Variants in SWT1 observed in about 807,000 individuals in gnomAD.
SWT1 encodes the protein transcriptional protein SWT1.
SWT1 carries 33 observed loss-of-function variants against 107.3 expected under a neutral mutation model. The ratio of observed to expected loss-of-function variants is 0.31; its 90% CI spans 0.23 to 0.41. SWT1 has a LOEUF of 0.41. Ranked by LOEUF, SWT1 falls within the 10% of genes least tolerant of loss-of-function variation. SWT1 has a pLI of 1.00. For synonymous variants in SWT1, 345 were observed against 348.3 expected, an observed-to-expected ratio of 0.99 and a Z score of 0.11; for missense variants, 898 against 1,028.9, an observed-to-expected ratio of 0.87 and a Z score of 1.74.
intron 14 of SWT1, among the ~76,000 whole-genome samples, chr1:185,220,000 C>T (rs1166388026): frequency 1.3e-5 from 2 of 151,870 alleles, no homozygotes; most frequent in African/African-American, 4.8e-5. Context: ...AAAAAATTAG[C>T]TGGGCCTGAT....
intron 9 of SWT1, among the ~76,000 whole-genome samples, chr1:185,188,568 T>C (rs7512290): frequency 0.44 from 67,012 of 152,004 alleles, 16,160 homozygotes; most frequent in African/African-American, 0.65. Flanking sequence ...TAGATTTCAC[T>C]AATATGAACT....
At chr1:185,215,486 T>C (rs1188335385) in intron 14 of SWT1, among the ~76,000 whole-genome samples, 2 of 152,226 alleles carry the variant, frequency 1.3e-5, no homozygotes, top group African/African-American at 4.8e-5. Context: ...GTGATTCTTA[T>C]GCAGCCATCT....
At chr1:185,191,905 C>A (rs558049263) in intron 10 of SWT1, among the ~76,000 whole-genome samples, 2 of 152,220 alleles carry the variant, frequency 1.3e-5, no homozygotes, top group African/African-American at 4.8e-5. Flanking sequence ...CCAAACCTTA[C>A]TTTTAATTCT....
At position 185,165,615 on chromosome 1, in the gene SWT1, A is replaced by G. The variant is rs541573601; in HGVS notation, c.85-957A>G. Among the ~76,000 whole-genome samples the G allele has an allele frequency of 2.0e-5, 3 of 152,276 alleles. No individual in the cohort carries two copies. The East Asian group carries it at 5.8e-4, about 29-fold the overall frequency. ...GTGGTCCTATTAAAATATAAGTACA[A>G]TCATGTTACTCCTCTGCTAAATACT... On this transcript the variant is annotated intron_variant, in intron 2 of 18. Transcript: ENST00000367500.
At chr1:185,290,563 A>T in intron 18 of SWT1, 111 bp from the exon 19 acceptor site, 1 of 675,942 alleles carries the variant, frequency 1.5e-6, no homozygotes, top group Non-Finnish European at 2.1e-6. Context: ...TGTTATACAT[A>T]ATATATATAT....
intron 13 of SWT1, among the ~76,000 whole-genome samples, chr1:185,207,115 CTT>C (rs1658396188): frequency 6.6e-6 from 1 of 152,164 alleles, no homozygotes; most frequent in South Asian, 2.1e-4. Context: ...ATTAATTAGA[CTT>C]TTTTCGTTTC....
rs575837829 is a variant in SWT1 at position 185,281,077 on chromosome 1, T to C, written c.2573+4409T>C. 56 of 266,102 alleles carry C rather than the reference T, an allele frequency of 2.1e-4. No individual in the cohort carries two copies. The Middle Eastern group carries it at 5.5e-3, about 26-fold the overall frequency. The allele number at this position is 266,102 out of a possible 1,614,324, so 16.5% of individuals were successfully genotyped here. ...AGATGATCTGATTTTTAGACCAAGA[T>C]TATTTGGAAAACATTTATGGATTGT... On this transcript the variant is annotated intron_variant, in intron 18 of 18. Coordinates refer to ENST00000367500, the MANE Select transcript of SWT1 (RefSeq NM_017673.7).
At chr1:185,283,509 A>G (rs1338410134) in intron 18 of SWT1, among the ~76,000 whole-genome samples, 4 of 152,206 alleles carry the variant, frequency 2.6e-5, no homozygotes, top group African/African-American at 9.6e-5. Context: ...TAAGTTCTTG[A>G]TAAAGTGTTT....
chr1:185,272,472 T>C (rs1457868368), intron 17 of SWT1, among the ~76,000 whole-genome samples: 1 of 152,230 alleles, frequency 6.6e-6, no homozygotes, highest in Non-Finnish European at 1.5e-5. Context: ...CTTTTATTCC[T>C]GGTTAGCTCT....
chr1:185,276,734 G>T, intron 18 of SWT1, 66 bp downstream of exon 18: 1 of 657,702 alleles, frequency 1.5e-6, no homozygotes, highest in African/African-American at 1.9e-5. Flanking sequence ...GCAGCACTTG[G>T]TGGTGGTGGT....
At chr1:185,217,824 GC>G (rs1659337872) in intron 14 of SWT1, among the ~76,000 whole-genome samples, 1 of 152,156 alleles carries the variant, frequency 6.6e-6, no homozygotes, top group African/African-American at 2.4e-5. Context: ...TGGAACTCCT[GC>G]CCTCAGGTGA....
chr1:185,172,975 C>T (rs1047837781), intron 4 of SWT1, among the ~76,000 whole-genome samples: 13 of 137,164 alleles, frequency 9.5e-5, no homozygotes, highest in East Asian at 2.2e-4. Context: ...ACCTGGGAGG[C>T]GGAGGTTGTG....
intron 16 of SWT1, among the ~76,000 whole-genome samples, chr1:185,251,115 G>T (rs938877690): frequency 6.6e-6 from 1 of 152,138 alleles, no homozygotes; most frequent in Non-Finnish European, 1.5e-5. Flanking sequence ...GCATGGAAAA[G>T]TTTTTATTAA....
chr1:185,278,863 T>A (rs1253728006), intron 18 of SWT1, among the ~76,000 whole-genome samples: 1 of 152,228 alleles, frequency 6.6e-6, no homozygotes, highest in East Asian at 1.9e-4. Flanking sequence ...CCTGTGTACC[T>A]GTGTGGCTAC....
At position 185,175,008 on chromosome 1, in the gene SWT1, A is replaced by C. The variant is rs143484621; in HGVS notation, c.861A>C (p.Leu287Phe). ...LNVTRQKTEH[L>F]LSDFTYKRTV... ...TGACTAGGCAGAAAACTGAACATTTACTTTCAGATTTTACATATAAGCGGA... is the reference window on the plus strand; with the variant it reads ...TGACTAGGCAGAAAACTGAACATTTCCTTTCAGATTTTACATATAAGCGGA... Residue 287 changes from leucine (L) to phenylalanine (F), a missense_variant, in exon 5 of 19, where the codon TTA becomes TTC. Around this residue, in one of 6 missense-constraint regions of SWT1, gnomAD observed 382 missense variants for 362.4 expected, o/e 1.05. Transcript: ENST00000367500. 3.1e-6 allele frequency: 5 copies of C among 1,613,852 alleles called. 1 individual carries two copies. In the South Asian group the frequency reaches 5.5e-5, roughly 18 times the overall value.
intron 11 of SWT1, among the ~76,000 whole-genome samples, chr1:185,203,309 T>A (rs1368042206): frequency 6.6e-6 from 1 of 152,172 alleles, no homozygotes; most frequent in Non-Finnish European, 1.5e-5. Context: ...GTTTTCTTTT[T>A]AAAAATTTTA....
chr1:185,221,984 C>G lies in SWT1; in HGVS notation c.2257C>G (p.Gln753Glu). ...SSHLPQPSRH[Q>E]EIWSILESVW... ...TCATCTTCCCCAACCCAGCAGGCATCAAGAAATCTGGTCTATCCTAGAGAG... is the reference window on the plus strand; with the variant it reads ...TCATCTTCCCCAACCCAGCAGGCATGAAGAAATCTGGTCTATCCTAGAGAG... The change falls in exon 15 of 19, where the codon CAA (glutamine) becomes GAA (glutamate). Residue 753 changes from glutamine (Q) to glutamate (E), a missense_variant. Physicochemically the swap from Gln to Glu is conservative, Grantham distance 29 (BLOSUM62 2). Coordinates refer to ENST00000367500, the MANE Select transcript of SWT1 (RefSeq NM_017673.7). 1 of 1,611,962 alleles carries G rather than the reference C, an allele frequency of 6.2e-7. No homozygotes were observed. The highest frequency in any genetic ancestry group is 8.5e-7 in the Non-Finnish European group (1 of 1,179,188).
chr1:185,214,407 AC>A, intron 13 of SWT1, 99 bp from the exon 14 acceptor site: 2 of 886,976 alleles, frequency 2.3e-6, no homozygotes, highest in Non-Finnish European at 3.4e-6. Flanking sequence ...ATAAATGTAT[AC>A]TCTTTTTAAA....
intron 15 of SWT1, chr1:185,227,567 T>G (rs1660166399): frequency 1.9e-6 from 1 of 515,058 alleles, no homozygotes; most frequent in African/African-American, 1.9e-5. Flanking sequence ...TTGAGTGTGT[T>G]GTATTTATTT....
Sources: gnomAD v4.1 joint callset for allele counts (sites outside exome capture counted in the v4.1 genomes callset) on GRCh38, gnomAD v4.1.1 for gene constraint, gnomAD v4.1.1 regional missense constraint, MANE v1.5 for transcripts, NCBI Gene and HGNC (gene_info 2026-07-23, HGNC 2026-07-21) for gene names.